Variants in SH3RF2 observed in about 807,000 individuals in gnomAD.
SH3RF2 encodes the protein SH3 domain containing ring finger 2.
In SH3RF2, 43 loss-of-function variants were observed where a neutral mutation model predicts 59.0. The ratio of observed to expected loss-of-function variants is 0.73; its 90% CI spans 0.57 to 0.94. The LOEUF is 0.94. Among genes scored for constraint, SH3RF2 ranks in the 40% least tolerant of loss-of-function variants. SH3RF2 has a pLI of 0.00. For missense variants in SH3RF2, 930 were observed against 940.1 expected (o/e 0.99, Z 0.14); for synonymous variants, 391 against 391.5 (o/e 1.00, Z 0.01).
intron 4 of SH3RF2, among the ~76,000 whole-genome samples, chr5:146,005,290 A>G (rs1306032047): frequency 6.6e-6 from 1 of 152,226 alleles, no homozygotes; most frequent in East Asian, 1.9e-4. Context: ...CATATTTAAA[A>G]GAGAGGTTTC....
intron 7 of SH3RF2, 60 bp from the exon 8 acceptor site, chr5:146,055,921 C>G: frequency 1.3e-6 from 2 of 1,569,360 alleles, no homozygotes; most frequent in Non-Finnish European, 1.7e-6. Context: ...AAATAGGACT[C>G]TTGACTGAAC....
intron 2 of SH3RF2, among the ~76,000 whole-genome samples, chr5:145,949,800 A>C (rs1419816459): frequency 6.6e-6 from 1 of 151,692 alleles, no homozygotes; most frequent in Admixed American, 6.6e-5. Context: ...TCCCTCTTTT[A>C]CTTCTCTTTG....
chr5:145,996,141 G>C (rs1028869089), intron 2 of SH3RF2, among the ~76,000 whole-genome samples: 4 of 152,176 alleles, frequency 2.6e-5, no homozygotes, highest in Admixed American at 6.5e-5. Context: ...GTAATGTTGG[G>C]TCTTATCTCT....
chr5:146,055,087 T>C (rs1762622307), intron 7 of SH3RF2, among the ~76,000 whole-genome samples: 1 of 152,236 alleles, frequency 6.6e-6, no homozygotes, highest in East Asian at 1.9e-4. Flanking sequence ...TTAATGAAAT[T>C]CTTGAAAATC....
chr5:146,045,815 A>G (rs932663285), intron 5 of SH3RF2, among the ~76,000 whole-genome samples: 1 of 152,332 alleles, frequency 6.6e-6, no homozygotes, highest in East Asian at 1.9e-4. Flanking sequence ...GTGTGGACAC[A>G]TGTTTTCATT....
chr5:145,963,290 T>TGGATGGATGGATG (rs1561712422), intron 2 of SH3RF2, among the ~76,000 whole-genome samples: 1 of 139,084 alleles, frequency 7.2e-6, no homozygotes, highest in African/African-American at 3.1e-5. Context: ...ATGGATGGAT[T>TGGATGGATGGATG]AATAACTATA....
chr5:146,028,160 TGCA>T (rs1761602434), intron 5 of SH3RF2, among the ~76,000 whole-genome samples: 1 of 117,864 alleles, frequency 8.5e-6, no homozygotes, highest in Non-Finnish European at 1.8e-5. Flanking sequence ...CAATGAGGCC[TGCA>T]ACACACACAC....
chr5:146,051,626 A>C (rs1312798870), intron 7 of SH3RF2, among the ~76,000 whole-genome samples: 1 of 152,174 alleles, frequency 6.6e-6, no homozygotes, highest in African/African-American at 2.4e-5. Context: ...GTTGCCTTTA[A>C]ATGAGATAGT....
chr5:146,042,105 G>A (rs1283507376), intron 5 of SH3RF2, among the ~76,000 whole-genome samples: 3 of 152,112 alleles, frequency 2.0e-5, no homozygotes, highest in Non-Finnish European at 4.4e-5. Flanking sequence ...CCAAGTTACC[G>A]CAAGGCAAGA....
At chr5:146,012,239 T>C (rs1176421226) in intron 4 of SH3RF2, among the ~76,000 whole-genome samples, 1 of 152,208 alleles carries the variant, frequency 6.6e-6, no homozygotes, top group African/African-American at 2.4e-5. Context: ...GATAAGCTTT[T>C]TGGTGTGCTG....
intron 5 of SH3RF2, among the ~76,000 whole-genome samples, chr5:146,019,253 T>C (rs1162186576): frequency 1.3e-5 from 2 of 152,220 alleles, no homozygotes. Flanking sequence ...GTCTTAGATT[T>C]AAGTCTTTAA....
At position 145,941,124 on chromosome 5, in the gene SH3RF2, C is replaced by T. The variant is rs114860718; in HGVS notation, c.378+2818C>T. 6.8e-3 allele frequency among the ~76,000 whole-genome samples: 1,029 copies of T among 152,226 alleles called. 16 individuals carry two copies. Among genetic ancestry groups the T allele is most frequent in the African/African-American group, 0.024 (978 of 41,522 alleles). ...AAAACACCTCTTTCAAAGGACTTGCCGATAACCTGGCACCCTGAAAAAGTT... is the reference window on the plus strand; with the variant it reads ...AAAACACCTCTTTCAAAGGACTTGCTGATAACCTGGCACCCTGAAAAAGTT... On this transcript the variant is annotated intron_variant, in intron 2 of 9. Coordinates refer to ENST00000359120, the MANE Select transcript of SH3RF2 (RefSeq NM_152550.4).
chr5:145,992,126 C>T (rs578008436), intron 2 of SH3RF2, among the ~76,000 whole-genome samples: 1 of 152,252 alleles, frequency 6.6e-6, no homozygotes, highest in Non-Finnish European at 1.5e-5. Flanking sequence ...AATCCTAGCA[C>T]TTTGGGAGGC....
chr5:146,013,691 G>C, intron 4 of SH3RF2, 56 bp from the exon 5 acceptor site: 1 of 1,596,574 alleles, frequency 6.3e-7, no homozygotes. Context: ...GTAGGAACTG[G>C]CTACTCACAT....
intron 4 of SH3RF2, among the ~76,000 whole-genome samples, chr5:146,005,074 G>A (rs1760588970): frequency 6.6e-6 from 1 of 151,918 alleles, no homozygotes; most frequent in Non-Finnish European, 1.5e-5. Context: ...GATTCTAGAT[G>A]CTTTTCATTT....
In SH3RF2 at chr5:146,068,517, A is replaced by G. The variant is rs73313939; in HGVS notation, c.*33+5783A>G. Among the ~76,000 whole-genome samples, 61 of 152,340 alleles carry G rather than the reference A, an allele frequency of 4.0e-4. 1 individual carries two copies. The highest frequency in any genetic ancestry group is 1.4e-3 in the African/African-American group (60 of 41,570). On this transcript the variant is annotated intron_variant, in intron 9 of 9. Coordinates refer to the SH3RF2 transcript ENST00000511217. ...ACTTCCAGAAACCTCTCATCTGACC[A>G]TGAAAGACAGTCACTTAGGGAATGT...
chr5:146,057,968 CTA>C lies in SH3RF2; in HGVS notation c.1555+1757_1555+1758del, dbSNP rs1356931578. ...TCTCTCTCTCTCTCTCTCTCTCTCT[CTA>C]TCTATCTATCTATCTATATATATAT... On this transcript the variant is annotated intron_variant, in intron 8 of 9. Coordinates refer to ENST00000359120, the MANE Select transcript of SH3RF2 (RefSeq NM_152550.4). Among the ~76,000 whole-genome samples the C allele has an allele frequency of 6.7e-3, 479 of 71,744 alleles. 5 individuals are homozygous for C. Among genetic ancestry groups the C allele is most frequent in the African/African-American group, 0.014 (391 of 27,338 alleles). The allele number at this position is 71,744 out of a possible 152,430, so 47.1% of individuals were successfully genotyped here. A position where few individuals can be genotyped will look rare whatever the true frequency, so the allele number is the denominator to read the frequency against.
chr5:146,051,483 G>A (rs1762495313), intron 7 of SH3RF2, among the ~76,000 whole-genome samples: 1 of 152,224 alleles, frequency 6.6e-6, no homozygotes, highest in Non-Finnish European at 1.5e-5. Context: ...AGCTGTGGAG[G>A]TAGGGAGAAG....
At chr5:146,058,045 G>A (rs1005622770) in intron 8 of SH3RF2, among the ~76,000 whole-genome samples, 7 of 150,932 alleles carry the variant, frequency 4.6e-5, no homozygotes, top group Non-Finnish European at 8.8e-5. Flanking sequence ...GACCACTTAG[G>A]TATGCAGAGT....
Sources: gnomAD v4.1 joint callset for allele counts (sites outside exome capture counted in the v4.1 genomes callset) on GRCh38, gnomAD v4.1.1 for gene constraint, MANE v1.5 for transcripts, NCBI Gene and HGNC (gene_info 2026-07-23, HGNC 2026-07-21) for gene names.